Variants in EML5 observed in about 807,000 individuals in gnomAD.
The protein encoded by EML5 is EMAP like 5, also known as echinoderm microtubule-associated protein-like 5.
In EML5, 120 loss-of-function variants were observed where a neutral mutation model predicts 250.0. The observed-to-expected ratio is 0.48, with a 90% CI of 0.41 to 0.56. The LOEUF is 0.56. EML5 is among the 20% of genes least tolerant of loss of function. EML5 has a pLI of 0.00. For synonymous variants in EML5, 771 were observed against 806.5 expected (o/e 0.96, Z 0.75); for missense variants, 2,006 against 2,437.6 (o/e 0.82, Z 3.73).
intron 24 of EML5, 131 bp downstream of exon 24, chr14:88,662,900 C>G (rs977693257): frequency 7.6e-6 from 5 of 658,586 alleles, no homozygotes; most frequent in African/African-American, 1.9e-5. Flanking sequence ...ACTCAATAAA[C>G]TCAATAATAT....
At chr14:88,690,436 A>G (rs1236256011) in intron 17 of EML5, among the ~76,000 whole-genome samples, 1 of 152,240 alleles carries the variant, frequency 6.6e-6, no homozygotes, top group Non-Finnish European at 1.5e-5. Flanking sequence ...GAAGATGACG[A>G]AAAGTGGTTA....
At chr14:88,751,410 A>G (rs1435977767) in intron 2 of EML5, among the ~76,000 whole-genome samples, 1 of 152,174 alleles carries the variant, frequency 6.6e-6, no homozygotes, top group Non-Finnish European at 1.5e-5. Flanking sequence ...TGCTTTCAAG[A>G]GAGTGCCAGT....
At chr14:88,636,340 T>A (rs36103420) in intron 32 of EML5, among the ~76,000 whole-genome samples, 1 of 151,964 alleles carries the variant, frequency 6.6e-6, no homozygotes, top group Non-Finnish European at 1.5e-5. Context: ...TGGAATGTAG[T>A]TGGAGGGTGC....
rs2140981464 is a variant in EML5 at position 88,664,604 on chromosome 14, C to G, written c.3298G>C (p.Val1100Leu). 6.2e-7 allele frequency: 1 copy of G among 1,605,570 alleles called. No individual in the cohort carries two copies. The highest frequency in any genetic ancestry group is 1.3e-5 in the African/African-American group (1 of 74,778). ...TCTATAAAGCTGTCATGGGATGCTA[C>G]AGCAAGATATTTCCCAGAACCTATA... ...FSPGSGKYLA[V>L]ASHDSFIDIY... Residue 1100 changes from valine to leucine, a missense_variant, in exon 23 of 44, where the codon GTA becomes CTA. Val to Leu is a conservative substitution (Grantham distance 32). Coordinates refer to ENST00000554922, the MANE Select transcript of EML5 (RefSeq NM_183387.3).
chr14:88,701,601 T>C (rs940424126), intron 14 of EML5, among the ~76,000 whole-genome samples: 6 of 151,882 alleles, frequency 4.0e-5, no homozygotes, highest in Middle Eastern at 6.3e-3. Flanking sequence ...GGAAGAAGAA[T>C]GGGAGAAAGA....
At chr14:88,717,931 G>A (rs10150953) in intron 8 of EML5, among the ~76,000 whole-genome samples, 25,490 of 152,092 alleles carry the variant, frequency 0.17, 2,780 homozygotes, top group African/African-American at 0.3. Flanking sequence ...GACGTAATAC[G>A]TACTATAGGT....
chr14:88,750,806 A>C (rs1166380586), intron 2 of EML5, among the ~76,000 whole-genome samples: 2 of 152,206 alleles, frequency 1.3e-5, no homozygotes, highest in Middle Eastern at 3.2e-3. Flanking sequence ...AGTATTTACT[A>C]TTTGGGAACC....
At position 88,618,621 on chromosome 14, in the gene EML5, CACCTGGGTATACAGTATTGGTACTGT is replaced by C. The variant is rs1301737587; in HGVS notation, c.5538+3_5538+28del. The C allele has an allele frequency of 1.3e-6, 2 of 1,582,804 alleles. No homozygotes were observed. Among genetic ancestry groups the C allele is most frequent in the Non-Finnish European group, 1.7e-6 (2 of 1,166,538 alleles). ...GAAATGTAAAAGCAGAAGAACTTGC[CACCTGGGTATACAGTATTGGTACTGT>C]ACCTGGAGATAACTGCTATCTGCAG... On this transcript the variant is annotated splice_donor_5th_base_variant and intron_variant, in intron 40 of 43. Transcript: ENST00000554922.
intron 8 of EML5, among the ~76,000 whole-genome samples, chr14:88,723,582 A>C (rs1300463252): frequency 1.3e-5 from 2 of 152,190 alleles, no homozygotes; most frequent in Admixed American, 6.5e-5. Context: ...GAAAATTGCT[A>C]AGACACATCT....
rs995949897 is a variant in EML5 at position 88,618,546 on chromosome 14, G to A, written c.5538+104C>T. 7.4e-6 allele frequency: 10 copies of A among 1,350,694 alleles called. No homozygotes were observed. The African/African-American group carries it at 8.8e-5, about 12-fold the overall frequency. The allele number at this position is 1,350,694 out of a possible 1,614,324, so 83.7% of individuals were successfully genotyped here. On this transcript the variant is annotated intron_variant, in intron 40 of 43. Coordinates refer to ENST00000554922, the MANE Select transcript of EML5 (RefSeq NM_183387.3). ...GTCAGAAGGTACAAAGGGAGGAGTT[G>A]AGAAGCTGGAGCTCTGGAGCTCAGG...
At chr14:88,628,156 C>A (rs2090159517) in intron 33 of EML5, among the ~76,000 whole-genome samples, 1 of 151,998 alleles carries the variant, frequency 6.6e-6, no homozygotes, top group East Asian at 1.9e-4. Context: ...AATCTTTATA[C>A]AATTATATGG....
At chr14:88,640,693 A>C (rs1390230496) in intron 31 of EML5, among the ~76,000 whole-genome samples, 1 of 152,172 alleles carries the variant, frequency 6.6e-6, no homozygotes, top group African/African-American at 2.4e-5. Context: ...AGCAGAAGAA[A>C]ATAAATAACA....
At position 88,716,732 on chromosome 14, in the gene EML5, A is replaced by AACACACAC. The variant is rs58701181; in HGVS notation, c.1188-1545_1188-1538dup. On this transcript the variant is annotated intron_variant, in intron 8 of 43. Transcript: ENST00000554922. ...TCTGTTAACATGTCCACTGCTCACC[A>AACACACAC]ACACACACACACACACACACACACA... is the stretch of plus-strand genomic sequence containing the variant. 7.4e-5 allele frequency among the ~76,000 whole-genome samples: 11 copies of AACACACAC among 148,082 alleles called. No individual in the cohort carries two copies. In the East Asian group the frequency reaches 8.0e-4, roughly 11 times the overall value.
intron 21 of EML5, among the ~76,000 whole-genome samples, chr14:88,671,598 A>T (rs1478675847): frequency 6.6e-6 from 1 of 152,212 alleles, no homozygotes; most frequent in Non-Finnish European, 1.5e-5. Flanking sequence ...ATTAAAAGAC[A>T]GAGAATGGCA....
chr14:88,625,200 T>C (rs1672204972), intron 35 of EML5, 73 bp from the exon 36 acceptor site: 2 of 1,532,460 alleles, frequency 1.3e-6, no homozygotes, highest in Admixed American at 1.8e-5. Context: ...TAATTTTCTA[T>C]GTATGTGTAA....
intron 8 of EML5, among the ~76,000 whole-genome samples, chr14:88,717,817 T>A (rs2093525158): frequency 6.6e-6 from 1 of 152,048 alleles, no homozygotes; most frequent in South Asian, 2.1e-4. Context: ...AGTAATAGGA[T>A]CAAAACCAAT....
At chr14:88,643,429 G>A (rs1196188237) in intron 30 of EML5, among the ~76,000 whole-genome samples, 3 of 152,106 alleles carry the variant, frequency 2.0e-5, no homozygotes, top group Non-Finnish European at 2.9e-5. Flanking sequence ...TAACAAATAT[G>A]TATACAGCAT....
intron 1 of EML5, among the ~76,000 whole-genome samples, chr14:88,769,207 C>T (rs1020384889): frequency 2.0e-5 from 3 of 152,110 alleles, no homozygotes; most frequent in Non-Finnish European, 4.4e-5. Flanking sequence ...GGAGGTGGAG[C>T]CTGATAGGAG....
chr14:88,712,594 C>T, intron 9 of EML5, 111 bp from the exon 10 acceptor site: 4 of 763,518 alleles, frequency 5.2e-6, no homozygotes, highest in Non-Finnish European at 8.2e-6. Flanking sequence ...CTTCCCACCC[C>T]ACTTAGAGGA....
Sources: gnomAD v4.1 joint callset for allele counts (sites outside exome capture counted in the v4.1 genomes callset) on GRCh38, gnomAD v4.1.1 for gene constraint, MANE v1.5 for transcripts, NCBI Gene and HGNC (gene_info 2026-07-23, HGNC 2026-07-21) for gene names.